RANBP2: variants seen among roughly 807,000 people sequenced by gnomAD.
The protein encoded by RANBP2 is RAN binding protein 2, also known as E3 SUMO-protein ligase RanBP2.
In RANBP2, 57 loss-of-function variants were observed where a neutral mutation model predicts 303.6. The ratio of observed to expected loss-of-function variants is 0.19; its 90% CI spans 0.15 to 0.23. The LOEUF (loss-of-function observed/expected upper bound fraction) is 0.23. RANBP2 is among the 10% of genes least tolerant of loss of function. RANBP2 has a pLI of 1.00. For synonymous variants in RANBP2, 1,167 were observed against 1,301.5 expected, an observed-to-expected ratio of 0.90 and a Z score of 2.23; for missense variants, 3,138 against 3,780.8, an observed-to-expected ratio of 0.83 and a Z score of 4.46.
the RANBP2 span, among the ~76,000 whole-genome samples, chr2:109,619,573 C>T: frequency 5.9e-5 from 9 of 152,184 alleles, no homozygotes; most frequent in African/African-American, 1.7e-4. Context: ...TTGCTCTATC[C>T]GGGAGATCCC....
chr2:109,137,363 T>C, the RANBP2 span, among the ~76,000 whole-genome samples: 1 of 152,188 alleles, frequency 6.6e-6, no homozygotes, highest in Non-Finnish European at 1.5e-5. Context: ...GCTGGAGGCT[T>C]TCTGAGAGCA....
the RANBP2 span, among the ~76,000 whole-genome samples, chr2:109,229,598 G>A: frequency 6.6e-6 from 1 of 152,128 alleles, no homozygotes; most frequent in Non-Finnish European, 1.5e-5. Context: ...ACACTCATGA[G>A]CAAGTTGTTC....
chr2:108,809,374 A>G, the RANBP2 span, among the ~76,000 whole-genome samples: 2 of 151,998 alleles, frequency 1.3e-5, no homozygotes, highest in Admixed American at 1.3e-4. Flanking sequence ...ATTTTAATAA[A>G]CATTATGTTG....
the RANBP2 span, among the ~76,000 whole-genome samples, chr2:109,159,292 G>A: frequency 9.2e-5 from 14 of 152,188 alleles, no homozygotes; most frequent in East Asian, 1.9e-4. Flanking sequence ...TCTCTCTCAG[G>A]ACCGCTGCTG....
the RANBP2 span, among the ~76,000 whole-genome samples, chr2:109,224,686 C>T: frequency 2.6e-5 from 4 of 152,122 alleles, no homozygotes; most frequent in African/African-American, 9.7e-5. Context: ...GGTGAAACCC[C>T]GTCTCTACTA....
the RANBP2 span, among the ~76,000 whole-genome samples, chr2:109,468,762 GT>G: frequency 6.7e-6 from 1 of 149,922 alleles, no homozygotes; most frequent in Admixed American, 6.7e-5. Context: ...GCTGAGGCAG[GT>G]TAATCGCTTG....
chr2:108,799,234 A>G, the RANBP2 span, among the ~76,000 whole-genome samples: 1 of 152,230 alleles, frequency 6.6e-6, no homozygotes, highest in Non-Finnish European at 1.5e-5. Flanking sequence ...GATAATATGT[A>G]GACAAAATAT....
the RANBP2 span, among the ~76,000 whole-genome samples, chr2:109,039,260 G>A: frequency 6.6e-6 from 1 of 152,174 alleles, no homozygotes; most frequent in Non-Finnish European, 1.5e-5. Flanking sequence ...CAGTTTCCAC[G>A]AAGGTGTGAG....
chr2:109,538,766 C>A, the RANBP2 span, among the ~76,000 whole-genome samples: 1 of 152,188 alleles, frequency 6.6e-6, no homozygotes, highest in East Asian at 1.9e-4. Context: ...GTGAACCACC[C>A]CCTCAGATTC....
At chr2:109,527,566 C>T in the RANBP2 span, among the ~76,000 whole-genome samples, 1 of 152,170 alleles carries the variant, frequency 6.6e-6, no homozygotes, top group East Asian at 1.9e-4. Context: ...GACCCACAGC[C>T]ACATTAGGAT....
At chr2:109,710,330 C>T in the RANBP2 span, among the ~76,000 whole-genome samples, 7 of 148,876 alleles carry the variant, frequency 4.7e-5, no homozygotes, top group East Asian at 2.0e-4. Flanking sequence ...TGCAGTGAGC[C>T]GAGATAACGC....
the RANBP2 span, among the ~76,000 whole-genome samples, chr2:109,169,495 C>T: frequency 6.6e-6 from 1 of 152,042 alleles, no homozygotes; most frequent in African/African-American, 2.4e-5. Context: ...AGCTTCTTAT[C>T]TCTGCTCTGT....
chr2:108,790,063 T>C (rs573702023), downstream of RANBP2, among the ~76,000 whole-genome samples: 1 of 152,310 alleles, frequency 6.6e-6, no homozygotes, highest in East Asian at 1.9e-4. Flanking sequence ...AATACAGTTT[T>C]CTCTTTCTCT....
the RANBP2 span, chr2:108,812,773 C>G: frequency 6.2e-7 from 1 of 1,611,220 alleles, no homozygotes; most frequent in Non-Finnish European, 8.5e-7. Context: ...TGAGTTTACT[C>G]ATTTAGATAC....
At chr2:109,161,510 G>A in the RANBP2 span, among the ~76,000 whole-genome samples, 1 of 151,600 alleles carries the variant, frequency 6.6e-6, no homozygotes, top group African/African-American at 2.4e-5. Context: ...GTAAGGCGAT[G>A]TTTCCTGGGG....
chr2:109,501,541 C>T, the RANBP2 span: 11 of 779,210 alleles, frequency 1.4e-5, no homozygotes, highest in East Asian at 9.7e-5. Flanking sequence ...CAGAGTGAGG[C>T]GGAGATCGAG....
chr2:109,039,084 G>A, the RANBP2 span, among the ~76,000 whole-genome samples: 1 of 152,128 alleles, frequency 6.6e-6, no homozygotes. Context: ...CCCTCCATTA[G>A]GCAAGCAGAA....
At chr2:108,806,745 T>C in the RANBP2 span, among the ~76,000 whole-genome samples, 1 of 152,252 alleles carries the variant, frequency 6.6e-6, no homozygotes, top group Admixed American at 6.5e-5. Context: ...AAGAAAAAGA[T>C]ATGTTATTTC....
At chr2:108,978,165 G>A in the RANBP2 span, among the ~76,000 whole-genome samples, 1 of 152,224 alleles carries the variant, frequency 6.6e-6, no homozygotes, top group Non-Finnish European at 1.5e-5. Context: ...CCAAGTACAG[G>A]GCCTGCTGAG....
Sources: allele counts gnomAD v4.1 joint callset (sites outside exome capture counted in the v4.1 genomes callset), GRCh38; gene constraint gnomAD v4.1.1; transcripts MANE v1.5; gene names NCBI Gene and HGNC (gene_info 2026-07-23, HGNC 2026-07-21).